SRGAP2B: variants seen among roughly 807,000 people sequenced by gnomAD.
SRGAP2B encodes the protein SLIT-ROBO Rho GTPase-activating protein 2B.
SRGAP2B carries 9 observed loss-of-function variants against 22.2 expected under a neutral mutation model. The ratio of observed to expected loss-of-function variants is 0.41; its 90% CI spans 0.24 to 0.71. The LOEUF is 0.71. Among genes scored for constraint, SRGAP2B ranks in the 30% least tolerant of loss-of-function variants. The pLI is 0.35. For missense variants in SRGAP2B, 114 were observed against 235.8 expected, an observed-to-expected ratio of 0.48 and a Z score of 3.38; for synonymous variants, 36 against 87.4, an observed-to-expected ratio of 0.41 and a Z score of 3.28.
At chr1:144,990,884 C>T (rs200893842) in intron 3 of SRGAP2B, among the ~76,000 whole-genome samples, 1,849 of 151,452 alleles carry the variant, frequency 0.012, 44 homozygotes, top group Middle Eastern at 0.065. Context: ...GCTGCCTTCC[C>T]GCGGGGCAGG....
At chr1:144,925,814 G>GA (rs1664694251) in intron 4 of SRGAP2B, among the ~76,000 whole-genome samples, 1 of 135,820 alleles carries the variant, frequency 7.4e-6, no homozygotes, top group African/African-American at 2.8e-5. Flanking sequence ...AAGAAAGAAA[G>GA]GAATCTACCT....
chr1:145,064,703 T>C (rs1353210756), intron 2 of SRGAP2B, among the ~76,000 whole-genome samples: 1 of 150,374 alleles, frequency 6.7e-6, no homozygotes, highest in Admixed American at 6.6e-5. Context: ...TCAGAGGAGA[T>C]AGAGCTTTTA....
At chr1:144,964,787 C>T (rs1246122127) in intron 3 of SRGAP2B, among the ~76,000 whole-genome samples, 1 of 150,660 alleles carries the variant, frequency 6.6e-6, no homozygotes, top group African/African-American at 2.5e-5. Context: ...GGTATGGTGA[C>T]ACGTGCCTGT....
At chr1:145,009,587 C>CAAAAA (rs142447274) in intron 2 of SRGAP2B, among the ~76,000 whole-genome samples, 1 of 79,566 alleles carries the variant, frequency 1.3e-5, no homozygotes, top group Admixed American at 1.4e-4. Flanking sequence ...GACTCCGTCT[C>CAAAAA]AAAAAAAAAA....
At chr1:144,907,687 A>G (rs1663093425) in intron 5 of SRGAP2B, among the ~76,000 whole-genome samples, 1 of 150,076 alleles carries the variant, frequency 6.7e-6, no homozygotes, top group Admixed American at 6.6e-5. Flanking sequence ...ATGCTGCTGA[A>G]CATCCCATGC....
chr1:145,039,358 C>T (rs1341927041), intron 2 of SRGAP2B, among the ~76,000 whole-genome samples: 9 of 59,168 alleles, frequency 1.5e-4, no homozygotes, highest in African/African-American at 5.7e-4. Flanking sequence ...ACCTGTGGTC[C>T]CAGTTACTTG....
chr1:145,044,710 C>T (rs2064692), intron 2 of SRGAP2B, among the ~76,000 whole-genome samples: 8 of 42,706 alleles, frequency 1.9e-4, no homozygotes, highest in African/African-American at 5.6e-4. Flanking sequence ...ACAGAAAAAG[C>T]AAGACAAGAC....
chr1:144,964,880 G>C, intron 3 of SRGAP2B: 1 of 613,614 alleles, frequency 1.6e-6, no homozygotes, highest in East Asian at 2.8e-5. Context: ...GATTGTGCCT[G>C]TAAATGACCA....
At chr1:145,025,937 C>T (rs1320318680) in intron 2 of SRGAP2B, among the ~76,000 whole-genome samples, 10 of 148,964 alleles carry the variant, frequency 6.7e-5, no homozygotes, top group East Asian at 4.0e-4. Flanking sequence ...ACCTACAACA[C>T]GCCTTGGGGA....
At chr1:145,079,860 C>A (rs1553634539) in intron 2 of SRGAP2B, among the ~76,000 whole-genome samples, 2 of 149,160 alleles carry the variant, frequency 1.3e-5, no homozygotes, top group African/African-American at 5.1e-5. Flanking sequence ...GGCCACTCCA[C>A]ATCCTAAAAG....
At position 145,044,987 on chromosome 1, in the gene SRGAP2B, G is replaced by T. The variant is rs1208632905; in HGVS notation, c.67+47848C>A. On this transcript the variant is annotated intron_variant, in intron 2 of 9. Coordinates refer to ENST00000612199, the Ensembl canonical transcript of SRGAP2B. Reference sequence around the variant, plus strand: ...ATAATTAGCTCAGAAACTACAAAAGGGCTTGCTCTTGAAAATGGAGCCTTT... The same window carrying T: ...ATAATTAGCTCAGAAACTACAAAAGTGCTTGCTCTTGAAAATGGAGCCTTT... Among the ~76,000 whole-genome samples the T allele has an allele frequency of 5.3e-5, 8 of 149,926 alleles. No individual in the cohort carries two copies. The South Asian group carries it at 6.4e-4, about 12-fold the overall frequency.
At chr1:144,996,284 C>A (rs1300457090) in intron 2 of SRGAP2B, among the ~76,000 whole-genome samples, 1 of 147,902 alleles carries the variant, frequency 6.8e-6, no homozygotes, top group Non-Finnish European at 1.5e-5. Context: ...CAGAATGGAG[C>A]CATTTCTTTC....
intron 2 of SRGAP2B, among the ~76,000 whole-genome samples, chr1:145,044,726 G>C (rs1649580058): frequency 9.0e-6 from 1 of 110,858 alleles, no homozygotes; most frequent in Non-Finnish European, 1.7e-5. Flanking sequence ...AAGACAGAAT[G>C]TGAGCTAAGC....
At position 145,022,903 on chromosome 1, in the gene SRGAP2B, A is replaced by G. The variant is rs1255211351; in HGVS notation, c.68-27703T>C. ...GCAATGGGGCCTGGCATGGTGGCTC[A>G]CACTTGTAATCCCAGCACTTTGGGA... On this transcript the variant is annotated intron_variant, in intron 2 of 9. Transcript: ENST00000612199. 2.0e-5 allele frequency among the ~76,000 whole-genome samples: 3 copies of G among 149,346 alleles called. No homozygotes were observed. In the East Asian group the frequency reaches 5.9e-4, roughly 30 times the overall value.
chr1:144,960,095 G>A (rs1428786454), intron 3 of SRGAP2B, among the ~76,000 whole-genome samples: 2 of 79,318 alleles, frequency 2.5e-5, no homozygotes, highest in Non-Finnish European at 4.9e-5. Context: ...ATTGAAATTT[G>A]TCTTTATATC....
intron 2 of SRGAP2B, among the ~76,000 whole-genome samples, chr1:145,023,048 T>C (rs1558835909): frequency 6.7e-6 from 1 of 149,336 alleles, no homozygotes; most frequent in Non-Finnish European, 1.5e-5. Context: ...GCCTATAGTC[T>C]CAGCTACTTG....
At chr1:144,916,045 T>C (rs1410888834) in intron 4 of SRGAP2B, among the ~76,000 whole-genome samples, 77 of 149,302 alleles carry the variant, frequency 5.2e-4, no homozygotes, top group African/African-American at 1.7e-3. Context: ...ATCTTGCTTT[T>C]TTTCAAGGTA....
At chr1:144,983,074 A>G (rs1669423148) in intron 3 of SRGAP2B, among the ~76,000 whole-genome samples, 1 of 148,410 alleles carries the variant, frequency 6.7e-6, no homozygotes, top group South Asian at 2.1e-4. Context: ...AAATATGTCC[A>G]AAATGAGTGA....
intron 2 of SRGAP2B, among the ~76,000 whole-genome samples, chr1:145,011,593 A>G (rs1198283441): frequency 1.3e-4 from 20 of 149,376 alleles, no homozygotes; most frequent in Non-Finnish European, 2.4e-4. Flanking sequence ...TTCACCTGCC[A>G]GGCCACAAAT....
Sources: gnomAD v4.1 joint callset for allele counts (sites outside exome capture counted in the v4.1 genomes callset) on GRCh38, gnomAD v4.1.1 for gene constraint, MANE v1.5 for transcripts, NCBI Gene and HGNC (gene_info 2026-07-23, HGNC 2026-07-21) for gene names.